The following MYO1D variants were observed in gnomAD, a reference collection of about 807,000 sequenced individuals.
MYO1D encodes unconventional myosin-Id.
A neutral mutation model predicts 122.0 loss-of-function variants in MYO1D; 83 were observed. That is an observed-to-expected ratio of 0.68 (90% CI 0.57 to 0.82). The LOEUF (loss-of-function observed/expected upper bound fraction) is 0.82, where lower values mean the gene tolerates loss of function less well. MYO1D is among the 40% of genes least tolerant of loss of function. The pLI is 0.00. For synonymous variants in MYO1D, 464 were observed against 446.9 expected (o/e 1.04, Z -0.48); for missense variants, 1,157 against 1,269.5 (o/e 0.91, Z 1.35).
intron 21 of MYO1D, among the ~76,000 whole-genome samples, chr17:32,604,018 C>T (rs1260374569): frequency 6.6e-6 from 1 of 151,964 alleles, no homozygotes; most frequent in Non-Finnish European, 1.5e-5. Flanking sequence ...TAAAGATCTA[C>T]TTTGATCTAG....
At chr17:32,655,355 A>G (rs1031827439) in intron 17 of MYO1D, among the ~76,000 whole-genome samples, 2 of 152,232 alleles carry the variant, frequency 1.3e-5, no homozygotes, top group Non-Finnish European at 2.9e-5. Context: ...GAAGTGACAG[A>G]TAGCAAATAT....
chr17:32,494,520 C>T lies in MYO1D; in HGVS notation c.*239G>A. On this transcript the variant is annotated 3_prime_UTR_variant, in exon 22 of 22. Transcript: ENST00000318217. Reference sequence around the variant, plus strand: ...GGTGAGATTGGTCTGGACGTCAGCCCAGGGGTCTGGGCGGGGCACCAGGGT... The same window carrying T: ...GGTGAGATTGGTCTGGACGTCAGCCTAGGGGTCTGGGCGGGGCACCAGGGT... 1.8e-6 allele frequency: 1 copy of T among 552,518 alleles called. No individual in the cohort carries two copies. The highest frequency in any genetic ancestry group is 3.2e-6 in the Non-Finnish European group (1 of 315,196). The allele number at this position is 552,518 out of a possible 1,614,324, so 34.2% of individuals were successfully genotyped here. A position where few individuals can be genotyped will look rare whatever the true frequency, so the allele number is the denominator to read the frequency against.
At chr17:32,769,521 C>A (rs750927807) in intron 6 of MYO1D, among the ~76,000 whole-genome samples, 8 of 152,042 alleles carry the variant, frequency 5.3e-5, no homozygotes, top group Non-Finnish European at 1.0e-4. Flanking sequence ...ATGACTCCTG[C>A]ATTTTAGAAC....
chr17:32,798,121 G>A (rs16967644), intron 1 of MYO1D, among the ~76,000 whole-genome samples: 5,881 of 152,262 alleles, frequency 0.039, 366 homozygotes, highest in African/African-American at 0.13. Context: ...GCATGAGTAG[G>A]AAAACCGGAA....
chr17:32,818,921 A>C (rs1024619353), intron 1 of MYO1D, among the ~76,000 whole-genome samples: 5 of 152,216 alleles, frequency 3.3e-5, no homozygotes, highest in African/African-American at 1.2e-4. Flanking sequence ...TTAAAAAATT[A>C]ATAGAAATAA....
At chr17:32,563,204 CTCTTTTTTTTT>C (rs1205133598) in intron 21 of MYO1D, among the ~76,000 whole-genome samples, 1 of 105,134 alleles carries the variant, frequency 9.5e-6, no homozygotes, top group African/African-American at 4.2e-5. Context: ...TTTTTCTTCT[CTCTTTTTTTTT>C]TTTTTTTTTT....
chr17:32,557,973 T>C (rs2087083285), intron 21 of MYO1D, among the ~76,000 whole-genome samples: 1 of 152,018 alleles, frequency 6.6e-6, no homozygotes, highest in African/African-American at 2.4e-5. Flanking sequence ...TAAAATGTTA[T>C]TTATAGACAC....
chr17:32,846,812 A>AT (rs995154317), intron 1 of MYO1D, among the ~76,000 whole-genome samples: 11 of 152,124 alleles, frequency 7.2e-5, no homozygotes, highest in Admixed American at 5.9e-4. Context: ...GCCCAGCTAA[A>AT]TTTTTTTAAA....
At chr17:32,867,464 C>T (rs1004227396) in intron 1 of MYO1D, among the ~76,000 whole-genome samples, 2 of 152,152 alleles carry the variant, frequency 1.3e-5, no homozygotes, top group East Asian at 3.9e-4. Context: ...AAGTAACCCC[C>T]ACCAAAGTAC....
chr17:32,707,423 T>A (rs2089322598), intron 16 of MYO1D, among the ~76,000 whole-genome samples: 1 of 152,226 alleles, frequency 6.6e-6, no homozygotes, highest in East Asian at 1.9e-4. Context: ...GGTTGAAATA[T>A]GATTTCTTAA....
intron 13 of MYO1D, among the ~76,000 whole-genome samples, chr17:32,741,224 T>TAAAAA (rs58505921): frequency 1.0e-5 from 1 of 100,302 alleles, no homozygotes. Flanking sequence ...ATACCACTTC[T>TAAAAA]AAAAAAAAAA....
intron 21 of MYO1D, among the ~76,000 whole-genome samples, chr17:32,508,104 C>T (rs553953283): frequency 6.6e-6 from 1 of 152,018 alleles, no homozygotes; most frequent in South Asian, 2.1e-4. Flanking sequence ...ATCATGTTGG[C>T]CAGGCTGGTC....
intron 21 of MYO1D, among the ~76,000 whole-genome samples, chr17:32,514,729 A>G (rs1909828301): frequency 6.6e-6 from 1 of 152,226 alleles, no homozygotes; most frequent in Non-Finnish European, 1.5e-5. Context: ...TTTCTCAGAT[A>G]CTGATCGTTC....
intron 16 of MYO1D, among the ~76,000 whole-genome samples, chr17:32,688,263 C>A (rs2089046413): frequency 6.6e-6 from 1 of 152,294 alleles, no homozygotes; most frequent in East Asian, 1.9e-4. Context: ...ATCTTCAAAA[C>A]CTTAGTAAAA....
chr17:32,544,754 T>C (rs1438535044), intron 21 of MYO1D, among the ~76,000 whole-genome samples: 1 of 152,210 alleles, frequency 6.6e-6, no homozygotes, highest in Non-Finnish European at 1.5e-5. Context: ...TTGCTTTCCT[T>C]ATTTTTATTA....
chr17:32,792,762 G>T (rs1326907691), intron 1 of MYO1D, among the ~76,000 whole-genome samples: 2 of 152,022 alleles, frequency 1.3e-5, no homozygotes, highest in Non-Finnish European at 2.9e-5. Context: ...TCTGCCTCAG[G>T]CTCCCCAATA....
chr17:32,750,036 C>T (rs1359163274), intron 11 of MYO1D, among the ~76,000 whole-genome samples: 1 of 152,226 alleles, frequency 6.6e-6, no homozygotes, highest in Non-Finnish European at 1.5e-5. Flanking sequence ...TCGAATGTAA[C>T]ATCTGTGCTC....
chr17:32,550,433 A>G (rs887663658), intron 21 of MYO1D, among the ~76,000 whole-genome samples: 2 of 152,190 alleles, frequency 1.3e-5, no homozygotes, highest in Non-Finnish European at 1.5e-5. Flanking sequence ...AATTTTTTCA[A>G]TACTACAGAG....
chr17:32,721,758 C>T (rs1040540797), intron 14 of MYO1D, among the ~76,000 whole-genome samples: 1 of 152,192 alleles, frequency 6.6e-6, no homozygotes, highest in Non-Finnish European at 1.5e-5. Context: ...ACAGGCATCA[C>T]TGATTCTATG....
Sources: allele counts gnomAD v4.1 joint callset (sites outside exome capture counted in the v4.1 genomes callset), GRCh38; gene constraint gnomAD v4.1.1; transcripts MANE v1.5; gene names NCBI Gene and HGNC (gene_info 2026-07-23, HGNC 2026-07-21).